The following TPH1 variants were observed in gnomAD, a reference collection of about 807,000 sequenced individuals.
TPH1 encodes tryptophan 5-hydroxylase 1.
TPH1 carries 37 observed loss-of-function variants against 49.5 expected under a neutral mutation model. The observed-to-expected ratio is 0.75, with a 90% CI of 0.58 to 0.98. The LOEUF (loss-of-function observed/expected upper bound fraction) is 0.98, where lower values mean the gene tolerates loss of function less well. TPH1 is among the 50% of genes least tolerant of loss of function. The pLI is 0.00. For synonymous variants in TPH1, 160 were observed against 182.1 expected (o/e 0.88, Z 0.98); for missense variants, 487 against 523.6 (o/e 0.93, Z 0.68).
At chr11:18,040,449 C>T (rs1295416465) in intron 2 of TPH1, among the ~76,000 whole-genome samples, 197 bp downstream of exon 2, 2 of 151,040 alleles carry the variant, frequency 1.3e-5, no homozygotes, top group Non-Finnish European at 2.9e-5. Context: ...CTCACTGTAA[C>T]CCTGGACTCC....
intron 6 of TPH1, among the ~76,000 whole-genome samples, chr11:18,028,057 T>C (rs947172366): frequency 1.3e-5 from 2 of 152,234 alleles, no homozygotes; most frequent in African/African-American, 4.8e-5. Flanking sequence ...TTCTCCACTA[T>C]GGTAATCTGC....
chr11:18,045,684 T>C (rs2134037885), intron 1 of TPH1, among the ~76,000 whole-genome samples: 1 of 152,320 alleles, frequency 6.6e-6, no homozygotes, highest in Admixed American at 6.5e-5. Context: ...CTTTGTCAAT[T>C]GCGACCTTGC....
At chr11:18,044,818 C>A (rs1264020667) in intron 1 of TPH1, among the ~76,000 whole-genome samples, 1 of 152,082 alleles carries the variant, frequency 6.6e-6, no homozygotes, top group African/African-American at 2.4e-5. Context: ...ATAGGTCACA[C>A]TTGTTTGAAT....
At chr11:18,041,568 T>C (rs545354670) in intron 1 of TPH1, among the ~76,000 whole-genome samples, 15 of 152,326 alleles carry the variant, frequency 9.8e-5, no homozygotes, top group Non-Finnish European at 1.9e-4. Flanking sequence ...TTTTAAAACA[T>C]CATAACATGG....
At position 18,036,100 on chromosome 11, in the gene TPH1, T is replaced by A; in HGVS notation, c.160A>T (p.Lys54Ter). 1.2e-6 allele frequency: 2 copies of A among 1,613,452 alleles called. No homozygotes were observed. The highest frequency in any genetic ancestry group is 1.7e-6 in the Non-Finnish European group (2 of 1,179,872). The change falls in exon 3 of 11, where the codon AAA becomes TAA. Residue 54 changes from lysine to a stop codon, truncating the protein, a stop_gained. Coordinates refer to ENST00000682019, the MANE Select transcript of TPH1 (RefSeq NM_004179.3). LOFTEE classifies it high-confidence loss of function. ...ATCTCAAATTCTGAGTTTCTTCTTTTTGATTTTCGGGACTCGATATGTAAC... is the reference window on the plus strand; with the variant it reads ...ATCTCAAATTCTGAGTTTCTTCTTTATGATTTTCGGGACTCGATATGTAAC... ...NLLHIESRKS[K>*]RRNSEFEIFV...
At chr11:18,029,081 C>CAAAA (rs368358256) in intron 6 of TPH1, 84 bp downstream of exon 6, 74,067 of 513,836 alleles carry the variant, frequency 0.14, 4,267 homozygotes, top group East Asian at 0.17. Flanking sequence ...GACTCTGTCT[C>CAAAA]AAAAAAAAAA....
intron 4 of TPH1, among the ~76,000 whole-genome samples, chr11:18,030,952 G>A (rs1847982793): frequency 6.6e-6 from 1 of 152,118 alleles, no homozygotes; most frequent in Non-Finnish European, 1.5e-5. Flanking sequence ...GGAACCCACT[G>A]GTGTTTTTTA....
chr11:18,027,765 T>G (rs909440404), intron 6 of TPH1, among the ~76,000 whole-genome samples: 9 of 152,252 alleles, frequency 5.9e-5, no homozygotes, highest in African/African-American at 2.2e-4. Flanking sequence ...TCTTTGTAAG[T>G]CCAGCAATGT....
intron 6 of TPH1, 81 bp downstream of exon 6, chr11:18,029,081 CAAA>C (rs368358256): frequency 0.011 from 5,665 of 531,476 alleles, no homozygotes; most frequent in Non-Finnish European, 0.011. Flanking sequence ...GACTCTGTCT[CAAA>C]AAAAAAAAAA....
intron 2 of TPH1, among the ~76,000 whole-genome samples, chr11:18,036,918 G>T (rs1166249219): frequency 2.0e-5 from 3 of 152,178 alleles, no homozygotes; most frequent in Non-Finnish European, 4.4e-5. Context: ...AAGGAATTTA[G>T]AATCTAGTTG....
At chr11:18,044,294 C>T (rs187023453) in intron 1 of TPH1, among the ~76,000 whole-genome samples, 3,526 of 151,810 alleles carry the variant, frequency 0.023, 114 homozygotes, top group African/African-American at 0.078. Flanking sequence ...TGGTGGCGGG[C>T]GCCTGTAGTC....
intron 6 of TPH1, among the ~76,000 whole-genome samples, chr11:18,027,055 A>G (rs1171784694): frequency 2.0e-5 from 3 of 152,238 alleles, no homozygotes; most frequent in Admixed American, 6.5e-5. Flanking sequence ...AACAAGATGT[A>G]TTCATTTAAA....
chr11:18,038,145 T>C (rs1198369225), intron 2 of TPH1, among the ~76,000 whole-genome samples: 2 of 139,858 alleles, frequency 1.4e-5, no homozygotes, highest in Non-Finnish European at 3.2e-5. Context: ...TACTTCATTG[T>C]TGAAAATCAA....
chr11:18,037,088 G>A (rs1329876676), intron 2 of TPH1, among the ~76,000 whole-genome samples: 2 of 152,180 alleles, frequency 1.3e-5, no homozygotes, highest in African/African-American at 4.8e-5. Context: ...GCCAGGCGTG[G>A]TGGCTCACGC....
In TPH1 at chr11:18,023,944, C is replaced by A; in HGVS notation, c.970G>T (p.Asp324Tyr). 1 of 1,613,468 alleles carries A rather than the reference C, an allele frequency of 6.2e-7. No individual in the cohort carries two copies. The highest frequency in any genetic ancestry group is 8.5e-7 in the Non-Finnish European group (1 of 1,179,692). ...FTVEFGLCKQ[D>Y]GQLRVFGAGL... ...GCACCAAAGACTCTTAGCTGTCCATCTTGTTTACATAGACCAAACTCCACA... is the reference window on the plus strand; with the variant it reads ...GCACCAAAGACTCTTAGCTGTCCATATTGTTTACATAGACCAAACTCCACA... The change falls in exon 9 of 11, where the codon GAT (aspartate) becomes TAT (tyrosine). Residue 324 changes from aspartate (D) to tyrosine (Y), a missense_variant. Coordinates refer to ENST00000682019, the MANE Select transcript of TPH1 (RefSeq NM_004179.3).
intron 7 of TPH1, 111 bp from the exon 8 acceptor site, chr11:18,025,812 C>T (rs1590260977): frequency 1.4e-6 from 2 of 1,470,060 alleles, no homozygotes; most frequent in East Asian, 2.4e-5. Context: ...GGTGATAATA[C>T]TTTAGTAATG....
intron 3 of TPH1, among the ~76,000 whole-genome samples, chr11:18,034,349 T>C (rs1848023105): frequency 6.6e-6 from 1 of 152,358 alleles, no homozygotes; most frequent in East Asian, 1.9e-4. Flanking sequence ...CCCCAGCATA[T>C]TGCTCTTTCT....
At position 18,029,538 on chromosome 11, in the gene TPH1, A is replaced by G; in HGVS notation, c.444T>C (p.Phe148=). Residue 148 remains phenylalanine (F), a synonymous_variant, in exon 5 of 11, where the codon TTT becomes TTC. Coordinates refer to ENST00000682019, the MANE Select transcript of TPH1 (RefSeq NM_004179.3). ...GTTTATAGTTCATAGCCAAGTCCGC[A>G]AAATACTTTCGACGTTTACGGTAGA... ...DNVYRKRRKY[F]ADLAMNYKHG... is the part of the protein sequence containing the mutation. 2 of 1,613,294 alleles carry G rather than the reference A, an allele frequency of 1.2e-6. No homozygotes were observed. Among genetic ancestry groups the G allele is most frequent in the African/African-American group, 1.3e-5 (1 of 75,036 alleles).
Position 18,026,638 on chromosome 11 carries a change from G to C in TPH1, c.668-13C>G. 6.2e-7 allele frequency: 1 copy of C among 1,613,936 alleles called. No individual in the cohort carries two copies. The highest frequency in any genetic ancestry group is 8.5e-7 in the Non-Finnish European group (1 of 1,179,904). On this transcript the variant is annotated splice_polypyrimidine_tract_variant and intron_variant, in intron 6 of 10. Transcript: ENST00000682019. ...AAACCTGTACGCTCTGCAAAGCAAA[G>C]GAGAAAACAAAGAAAATCTTTACCA...
Sources: gnomAD v4.1 joint callset for allele counts (sites outside exome capture counted in the v4.1 genomes callset) on GRCh38, gnomAD v4.1.1 for gene constraint, MANE v1.5 for transcripts, NCBI Gene and HGNC (gene_info 2026-07-23, HGNC 2026-07-21) for gene names.